TLN2: variants seen among roughly 807,000 people sequenced by gnomAD.
TLN2 encodes the protein talin-2.
In TLN2, 118 loss-of-function variants were observed where a neutral mutation model predicts 294.7. That is an observed-to-expected ratio of 0.40 (90% CI 0.34 to 0.47). TLN2 has a LOEUF of 0.47. TLN2 is among the 20% of genes least tolerant of loss of function. The pLI is 0.84. For synonymous variants in TLN2, 1,431 were observed against 1,304.5 expected, an observed-to-expected ratio of 1.10 and a Z score of -2.09; for missense variants, 3,083 against 3,282.2, an observed-to-expected ratio of 0.94 and a Z score of 1.48.
chr15:62,456,749 A>C (rs1320689242), intron 1 of TLN2, among the ~76,000 whole-genome samples: 1 of 152,172 alleles, frequency 6.6e-6, no homozygotes, highest in Non-Finnish European at 1.5e-5. Flanking sequence ...GATCTCCCTG[A>C]GACTACAAGT....
chr15:62,725,758 A>T (rs1160139183), intron 27 of TLN2, among the ~76,000 whole-genome samples: 8 of 152,320 alleles, frequency 5.3e-5, no homozygotes, highest in Non-Finnish European at 1.0e-4. Context: ...ACACAGAGGC[A>T]CAGAGTTTGT....
At chr15:62,513,067 A>T (rs2040011415) in intron 1 of TLN2, among the ~76,000 whole-genome samples, 1 of 152,074 alleles carries the variant, frequency 6.6e-6, no homozygotes, top group Non-Finnish European at 1.5e-5. Flanking sequence ...CCTTTCATGC[A>T]TCCAAGTGGC....
chr15:62,652,728 G>A (rs2052733975), intron 6 of TLN2, among the ~76,000 whole-genome samples: 1 of 152,046 alleles, frequency 6.6e-6, no homozygotes, highest in Admixed American at 6.6e-5. Context: ...AGAATTGAAT[G>A]TGACATAAGT....
intron 2 of TLN2, among the ~76,000 whole-genome samples, chr15:62,593,475 A>C (rs1031488393): frequency 6.6e-6 from 1 of 152,174 alleles, no homozygotes; most frequent in East Asian, 1.9e-4. Flanking sequence ...GTTTCCATGC[A>C]TTTTTTGGCT....
chr15:62,719,929 C>A (rs773421930), intron 25 of TLN2, 49 bp downstream of exon 25: 3 of 1,423,804 alleles, frequency 2.1e-6, no homozygotes, highest in African/African-American at 2.8e-5. Flanking sequence ...CTCTTCTGGG[C>A]AGGGGCTGCC....
intron 2 of TLN2, among the ~76,000 whole-genome samples, chr15:62,609,432 A>C (rs1320977780): frequency 6.6e-6 from 1 of 152,234 alleles, no homozygotes; most frequent in East Asian, 1.9e-4. Flanking sequence ...GGTCAAGTTC[A>C]GAGTCATGTG....
intron 1 of TLN2, among the ~76,000 whole-genome samples, chr15:62,570,873 A>C (rs1056899154): frequency 6.6e-6 from 1 of 151,730 alleles, no homozygotes; most frequent in East Asian, 2.0e-4. Context: ...TACTGGTGGC[A>C]TAGTGGAAGA....
rs776291652 is a variant in TLN2, at chr15:62,805,661, C to T, written c.6539C>T (p.Thr2180Met). 60 of 1,613,858 alleles carry T rather than the reference C, an allele frequency of 3.7e-5. No individual in the cohort carries two copies. Among genetic ancestry groups the T allele is most frequent in the African/African-American group, 2.7e-5 (2 of 74,890 alleles). Residue 2180 changes from threonine (T) to methionine (M), a missense_variant, in exon 51 of 59, where the codon ACG becomes ATG. Coordinates refer to ENST00000636159, the MANE Select transcript of TLN2 (RefSeq NM_015059.3). ...TCACCTGAAGAATCCATAAGGATGA[C>T]GAAAGGCATCACCATGGCAACAGCC... The part of the protein sequence containing the change: ...TSSPEESIRM[T>M]KGITMATAKA...
At chr15:62,533,407 C>T (rs1357613858) in intron 1 of TLN2, among the ~76,000 whole-genome samples, 3 of 151,944 alleles carry the variant, frequency 2.0e-5, no homozygotes, top group Non-Finnish European at 4.4e-5. Flanking sequence ...CATGATGGCT[C>T]CCCCATCCCC....
chr15:62,676,278 G>A (rs1301319709), intron 11 of TLN2, among the ~76,000 whole-genome samples: 2 of 152,178 alleles, frequency 1.3e-5, no homozygotes, highest in South Asian at 2.1e-4. Flanking sequence ...AAGATGTTAT[G>A]CATCAGAAAG....
intron 2 of TLN2, among the ~76,000 whole-genome samples, chr15:62,611,621 C>T (rs984855476): frequency 6.6e-6 from 1 of 152,234 alleles, no homozygotes; most frequent in African/African-American, 2.4e-5. Context: ...CCTAGAATCT[C>T]CTATCCTTCC....
chr15:62,738,279 G>C lies in TLN2; in HGVS notation c.3633G>C (p.Val1211=). The C allele has an allele frequency of 6.2e-7, 1 of 1,614,186 alleles. No homozygotes were observed. Among genetic ancestry groups the C allele is most frequent in the Non-Finnish European group, 8.5e-7 (1 of 1,180,028 alleles). Reference sequence around the variant, plus strand: ...ATTGCCTCCCTGGGCAGAAGGATGTGGACGTGGCCTTGAAGAGCATCGGGG... The same window carrying C: ...ATTGCCTCCCTGGGCAGAAGGATGTCGACGTGGCCTTGAAGAGCATCGGGG... ...CVNCLPGQKD[V]DVALKSIGES... Residue 1211 remains valine, a synonymous_variant, in exon 30 of 59, where the codon GTG becomes GTC. Transcript: ENST00000636159.
At chr15:62,760,301 C>T (rs2062582071) in intron 37 of TLN2, among the ~76,000 whole-genome samples, 1 of 152,168 alleles carries the variant, frequency 6.6e-6, no homozygotes, top group African/African-American at 2.4e-5. Flanking sequence ...TCCCAAGCTG[C>T]CAAGGCTTGA....
intron 54 of TLN2, chr15:62,824,148 T>G (rs1302947344): frequency 5.8e-6 from 2 of 347,538 alleles, no homozygotes; most frequent in Non-Finnish European, 5.7e-6. Flanking sequence ...CATGTTATCT[T>G]CCATTTCTTC....
At chr15:62,766,292 G>T in intron 40 of TLN2, 29 bp from the exon 41 acceptor site, 1 of 1,595,372 alleles carries the variant, frequency 6.3e-7, no homozygotes, top group Non-Finnish European at 8.6e-7. Flanking sequence ...GCTGTTATGG[G>T]ATGAACTTGA....
intron 1 of TLN2, among the ~76,000 whole-genome samples, chr15:62,548,322 T>C (rs2042108042): frequency 6.6e-6 from 1 of 152,172 alleles, no homozygotes; most frequent in African/African-American, 2.4e-5. Context: ...AGTGGGTTTA[T>C]GTATGTCCTA....
intron 54 of TLN2, among the ~76,000 whole-genome samples, chr15:62,825,717 A>T (rs28739426): frequency 6.6e-5 from 8 of 121,476 alleles, no homozygotes; most frequent in South Asian, 2.4e-4. Context: ...TATAAATATA[A>T]ATATATATAA....
At chr15:62,703,625 G>GCACA (rs1416869426) in intron 19 of TLN2, among the ~76,000 whole-genome samples, 21 of 78,310 alleles carry the variant, frequency 2.7e-4, no homozygotes, top group African/African-American at 7.6e-4. Context: ...ACACACACGC[G>GCACA]CGCACACACA....
chr15:62,420,060 A>G (rs369793352), intron 1 of TLN2, among the ~76,000 whole-genome samples: 9 of 152,282 alleles, frequency 5.9e-5, no homozygotes, highest in African/African-American at 2.2e-4. Context: ...TTATGTTAGG[A>G]CCTCAACTGA....
Sources: gnomAD v4.1 joint callset for allele counts (sites outside exome capture counted in the v4.1 genomes callset) on GRCh38, gnomAD v4.1.1 for gene constraint, MANE v1.5 for transcripts, NCBI Gene and HGNC (gene_info 2026-07-23, HGNC 2026-07-21) for gene names.